MYO18B: variants seen among roughly 807,000 people sequenced by gnomAD.
The protein encoded by MYO18B is myosin XVIIIB, also known as unconventional myosin-XVIIIb.
MYO18B carries 204 observed loss-of-function variants against 273.0 expected under a neutral mutation model. The ratio of observed to expected loss-of-function variants is 0.75; its 90% CI spans 0.67 to 0.84. The LOEUF (loss-of-function observed/expected upper bound fraction) is 0.84. MYO18B is among the 40% of genes least tolerant of loss of function. The pLI is 0.00. For synonymous variants in MYO18B, 1,330 were observed against 1,305.7 expected (o/e 1.02, Z -0.40); for missense variants, 3,212 against 3,287.6 (o/e 0.98, Z 0.56).
At chr22:25,776,826 C>T (rs545099524) in intron 7 of MYO18B, among the ~76,000 whole-genome samples, 1 of 152,106 alleles carries the variant, frequency 6.6e-6, no homozygotes, top group Admixed American at 6.5e-5. Flanking sequence ...GTGTGTATCT[C>T]ACTGTAGAAG....
intron 21 of MYO18B, among the ~76,000 whole-genome samples, chr22:25,854,190 C>G (rs1351504550): frequency 1.3e-5 from 2 of 152,136 alleles, no homozygotes; most frequent in Non-Finnish European, 1.5e-5. Flanking sequence ...GTGTTTCATG[C>G]CAAGACTGTT....
chr22:25,755,213 AT>A (rs133868), intron 1 of MYO18B, among the ~76,000 whole-genome samples: 55 of 148,404 alleles, frequency 3.7e-4, no homozygotes, highest in African/African-American at 1.1e-3. Flanking sequence ...ATTTTATTTT[AT>A]TTTTTTTTTG....
At chr22:25,818,715 A>G (rs2089149217) in intron 12 of MYO18B, among the ~76,000 whole-genome samples, 1 of 152,128 alleles carries the variant, frequency 6.6e-6, no homozygotes, top group African/African-American at 2.4e-5. Context: ...GGACAGGATA[A>G]TCCCTTCTGG....
At chr22:25,976,610 T>G (rs2093092670) in intron 39 of MYO18B, among the ~76,000 whole-genome samples, 1 of 152,172 alleles carries the variant, frequency 6.6e-6, no homozygotes, top group Non-Finnish European at 1.5e-5. Flanking sequence ...GCATGCTCCG[T>G]TTTCTCTGAT....
the MYO18B span, among the ~76,000 whole-genome samples, chr22:26,038,189 A>G: frequency 1.3e-5 from 2 of 152,192 alleles, no homozygotes; most frequent in African/African-American, 4.8e-5. Context: ...TCTTTGGGTC[A>G]ATTGTAAATA....
chr22:26,054,789 T>A, the MYO18B span, among the ~76,000 whole-genome samples: 1 of 152,172 alleles, frequency 6.6e-6, no homozygotes, highest in Non-Finnish European at 1.5e-5. Context: ...TCGATGGGAC[T>A]TGGGGACACA....
chr22:25,993,691 G>T (rs777476775), intron 40 of MYO18B, among the ~76,000 whole-genome samples: 1 of 152,148 alleles, frequency 6.6e-6, no homozygotes, highest in Non-Finnish European at 1.5e-5. Flanking sequence ...TCTCTTAAGG[G>T]CTGGAGGCAG....
intron 21 of MYO18B, among the ~76,000 whole-genome samples, chr22:25,860,500 T>G (rs913329759): frequency 6.6e-6 from 1 of 152,220 alleles, no homozygotes; most frequent in African/African-American, 2.4e-5. Flanking sequence ...TACATTTTCC[T>G]CAAAGTACTA....
Position 25,923,616 on chromosome 22 carries a change from C to T in MYO18B, c.5517+2207C>T, listed in dbSNP as rs115931399. 3.2e-3 allele frequency among the ~76,000 whole-genome samples: 488 copies of T among 152,294 alleles called. 7 individuals are homozygous for T. Among genetic ancestry groups the T allele is most frequent in the African/African-American group, 0.011 (470 of 41,564 alleles). On this transcript the variant is annotated intron_variant, in intron 34 of 43. Coordinates refer to ENST00000335473, the MANE Select transcript of MYO18B (RefSeq NM_032608.7). ...TGAGAGATGCTTTTGACTCACATTG[C>T]GTCTTCCTGTCTGCTTGGCTGACCA...
rs1210159658 is a variant in MYO18B, at chr22:26,030,624, T to TAA, written c.*196_*197dup. 7.0e-6 allele frequency: 2 copies of TAA among 287,274 alleles called. No homozygotes were observed. The highest frequency in any genetic ancestry group is 1.3e-5 in the Non-Finnish European group (2 of 155,092). The allele number at this position is 287,274 out of a possible 1,614,324, so 17.8% of individuals were successfully genotyped here. Reference sequence around the variant, plus strand: ...CCCAGTGTGGTTGGCCTGAACAAAATAAAGTGTTGACTCCTGGGCATCTGT... The same window carrying TAA: ...CCCAGTGTGGTTGGCCTGAACAAAATAAAAAGTGTTGACTCCTGGGCATCTGT... On this transcript the variant is annotated 3_prime_UTR_variant, in exon 44 of 44. Coordinates refer to ENST00000335473, the MANE Select transcript of MYO18B (RefSeq NM_032608.7).
chr22:25,922,658 G>A (rs1344133217), intron 34 of MYO18B, among the ~76,000 whole-genome samples: 1 of 152,098 alleles, frequency 6.6e-6, no homozygotes, highest in Non-Finnish European at 1.5e-5. Flanking sequence ...GCTGGGCCTG[G>A]GACCCATGTT....
chr22:26,061,610 A>G, the MYO18B span, among the ~76,000 whole-genome samples: 2 of 151,736 alleles, frequency 1.3e-5, no homozygotes, highest in African/African-American at 4.8e-5. Flanking sequence ...CATAGCTCTC[A>G]GTTCCTGTGT....
intron 39 of MYO18B, chr22:25,964,002 T>C (rs2092948829): frequency 1.3e-5 from 2 of 152,230 alleles, no homozygotes; most frequent in Admixed American, 1.3e-4. Flanking sequence ...AATATTTGTT[T>C]ATCATATACT....
At chr22:25,760,911 G>T (rs1159227999) in intron 1 of MYO18B, 73 bp from the exon 2 acceptor site, 1 of 658,806 alleles carries the variant, frequency 1.5e-6, no homozygotes, top group East Asian at 2.7e-5. Flanking sequence ...GCGTTGGTGG[G>T]GGTGGGAGTA....
intron 17 of MYO18B, among the ~76,000 whole-genome samples, chr22:25,842,789 C>T (rs926047563): frequency 1.3e-5 from 2 of 151,514 alleles, no homozygotes; most frequent in African/African-American, 4.9e-5. Context: ...TATAAATGAA[C>T]AGCAATCCAT....
intron 40 of MYO18B, among the ~76,000 whole-genome samples, chr22:25,999,719 G>A (rs1413561910): frequency 1.3e-5 from 2 of 151,104 alleles, no homozygotes; most frequent in African/African-American, 4.9e-5. Flanking sequence ...GCAATGGCAT[G>A]ATCTTGGCTC....
At chr22:26,028,333 G>C (rs1936426362) in intron 43 of MYO18B, 1 of 151,876 alleles carries the variant, frequency 6.6e-6, no homozygotes, top group African/African-American at 2.4e-5. Flanking sequence ...TTCCACCTGG[G>C]TTTGAAGGAG....
intron 3 of MYO18B, 90 bp downstream of exon 3, chr22:25,763,479 C>G (rs2086401530): frequency 7.0e-7 from 1 of 1,433,812 alleles, no homozygotes; most frequent in Non-Finnish European, 9.4e-7. Flanking sequence ...GTCATCCTGC[C>G]TTTGCTCCTG....
chr22:26,014,194 T>A (rs1224706010), intron 42 of MYO18B, among the ~76,000 whole-genome samples: 1 of 152,142 alleles, frequency 6.6e-6, no homozygotes, highest in Non-Finnish European at 1.5e-5. Context: ...GTAGGGCTCA[T>A]TGTGGTGTGA....
Sources: allele counts gnomAD v4.1 joint callset (sites outside exome capture counted in the v4.1 genomes callset), GRCh38; gene constraint gnomAD v4.1.1; transcripts MANE v1.5; gene names NCBI Gene and HGNC (gene_info 2026-07-23, HGNC 2026-07-21).